HSP90AA1: variants seen among roughly 807,000 people sequenced by gnomAD.
HSP90AA1 encodes heat shock protein 90 alpha family class A member 1, also known as heat shock protein HSP 90-alpha.
In HSP90AA1, 18 loss-of-function variants were observed where a neutral mutation model predicts 73.3. The observed-to-expected ratio is 0.25, with a 90% CI of 0.17 to 0.36. The LOEUF (loss-of-function observed/expected upper bound fraction) is 0.36. Ranked by LOEUF, HSP90AA1 falls within the 10% of genes least tolerant of loss-of-function variation. HSP90AA1 has a pLI of 1.00. For missense variants in HSP90AA1, 704 were observed against 874.2 expected (o/e 0.81, Z 2.45); for synonymous variants, 477 against 296.9 (o/e 1.61, Z -6.24).
chr14:102,098,103 C>T (rs1006830196), intron 2 of HSP90AA1, among the ~76,000 whole-genome samples: 1 of 152,148 alleles, frequency 6.6e-6, no homozygotes, highest in Non-Finnish European at 1.5e-5. Context: ...CTTTATTCCT[C>T]CTTGACTGAC....
chr14:102,123,089 T>C (rs2049799564), intron 1 of HSP90AA1, among the ~76,000 whole-genome samples: 1 of 152,106 alleles, frequency 6.6e-6, no homozygotes, highest in Admixed American at 6.6e-5. Flanking sequence ...ACTTACACAC[T>C]GATCCAGACA....
At chr14:102,106,684 C>T (rs1252305764) in intron 1 of HSP90AA1, among the ~76,000 whole-genome samples, 1 of 151,720 alleles carries the variant, frequency 6.6e-6, no homozygotes, top group Non-Finnish European at 1.5e-5. Context: ...GCTGAGATTA[C>T]AGGCGCCTGC....
intron 1 of HSP90AA1, among the ~76,000 whole-genome samples, chr14:102,132,597 G>A (rs2049921581): frequency 6.6e-6 from 1 of 152,074 alleles, no homozygotes; most frequent in African/African-American, 2.4e-5. Flanking sequence ...ATTTTAACAA[G>A]GTTATTCCTA....
chr14:102,094,841 C>G (rs1454165302), intron 2 of HSP90AA1, among the ~76,000 whole-genome samples: 2 of 152,150 alleles, frequency 1.3e-5, no homozygotes, highest in Non-Finnish European at 2.9e-5. Context: ...CGCATCCACT[C>G]TGACCGTGGT....
chr14:102,139,436 GC>G (rs2050187036), exon 1 of HSP90AA1: 1 of 1,509,912 alleles, frequency 6.6e-7, no homozygotes, highest in Non-Finnish European at 8.9e-7. Flanking sequence ...CCGCGTGCTG[GC>G]TCCGAAGCGG....
At chr14:102,116,277 G>C (rs182075402) in intron 1 of HSP90AA1, among the ~76,000 whole-genome samples, 254 of 152,314 alleles carry the variant, frequency 1.7e-3, no homozygotes, top group African/African-American at 5.8e-3. Flanking sequence ...TTTAATGGTG[G>C]AGAGAGTTGT....
chr14:102,097,145 C>T (rs1185805207), intron 2 of HSP90AA1, among the ~76,000 whole-genome samples: 1 of 152,036 alleles, frequency 6.6e-6, no homozygotes, highest in African/African-American at 2.4e-5. Flanking sequence ...CACTACCACA[C>T]CTTGCTAATT....
intron 1 of HSP90AA1, among the ~76,000 whole-genome samples, chr14:102,135,064 C>T (rs1439455330): frequency 5.3e-5 from 8 of 150,554 alleles, no homozygotes; most frequent in Admixed American, 2.6e-4. Context: ...AGAGTGTCGA[C>T]TGGTGCATTC....
chr14:102,101,799 C>T, intron 2 of HSP90AA1: 3 of 1,230,548 alleles, frequency 2.4e-6, no homozygotes, highest in Non-Finnish European at 2.4e-6. Flanking sequence ...TGACTCCAAC[C>T]ACCGGTTGGT....
intron 1 of HSP90AA1, among the ~76,000 whole-genome samples, chr14:102,122,631 C>A (rs1374456543): frequency 6.6e-6 from 1 of 151,278 alleles, no homozygotes; most frequent in Non-Finnish European, 1.5e-5. Context: ...TCCCCCCACT[C>A]CACTCCTGCC....
At chr14:102,086,887 C>T (rs2049254349) in intron 1 of HSP90AA1, 99 bp downstream of exon 1, 3 of 703,908 alleles carry the variant, frequency 4.3e-6, no homozygotes, top group South Asian at 6.4e-5. Context: ...CTGGCTGCTT[C>T]AGGGATCTGG....
chr14:102,097,591 C>T (rs994182977), intron 2 of HSP90AA1, among the ~76,000 whole-genome samples: 1 of 152,206 alleles, frequency 6.6e-6, no homozygotes, highest in South Asian at 2.1e-4. Context: ...GAAGAACAGG[C>T]CTAGCTGGTC....
At chr14:102,086,932 C>CCCCCAGTCCCGGT in intron 1 of HSP90AA1, 54 bp downstream of exon 1, 1 of 938,362 alleles carries the variant, frequency 1.1e-6, no homozygotes, top group Non-Finnish European at 1.3e-6. Flanking sequence ...GCGCCAGCCG[C>CCCCCAGTCCCGGT]CCCCAGTCCC....
intron 6 of HSP90AA1, 147 bp from the exon 7 acceptor site, chr14:102,084,130 C>T (rs1052382860): frequency 1.2e-4 from 88 of 764,374 alleles, no homozygotes; most frequent in South Asian, 7.7e-4. Flanking sequence ...AGGGCAGTGG[C>T]GCAATCTCCA....
At chr14:102,123,536 G>GTT (rs1299252339) in intron 1 of HSP90AA1, among the ~76,000 whole-genome samples, 1 of 148,324 alleles carries the variant, frequency 6.7e-6, no homozygotes, top group East Asian at 2.0e-4. Flanking sequence ...AAACCTTGTG[G>GTT]TTTTTTTTTT....
chr14:102,091,375 C>T (rs919715741), upstream of HSP90AA1, among the ~76,000 whole-genome samples: 1 of 152,102 alleles, frequency 6.6e-6, no homozygotes, highest in African/African-American at 2.4e-5. Flanking sequence ...GTAATCCCAG[C>T]ACTTTGGGAG....
At chr14:102,126,702 G>A (rs1004764439) in intron 1 of HSP90AA1, among the ~76,000 whole-genome samples, 7 of 152,010 alleles carry the variant, frequency 4.6e-5, no homozygotes, top group Non-Finnish European at 8.8e-5. Context: ...CTTTGTTTTT[G>A]TACTTTTAGT....
chr14:102,109,225 T>C (rs2049608514), intron 1 of HSP90AA1, among the ~76,000 whole-genome samples: 1 of 152,228 alleles, frequency 6.6e-6, no homozygotes, highest in African/African-American at 2.4e-5. Flanking sequence ...CGTACTCTCA[T>C]GTCTGGCTAT....
chr14:102,104,518 G>A (rs369436389), intron 1 of HSP90AA1, among the ~76,000 whole-genome samples: 11 of 151,912 alleles, frequency 7.2e-5, no homozygotes, highest in Admixed American at 4.6e-4. Context: ...CGGCCTACAC[G>A]TGATATTTTG....
Sources: gnomAD v4.1 joint callset for allele counts (sites outside exome capture counted in the v4.1 genomes callset) on GRCh38, gnomAD v4.1.1 for gene constraint, MANE v1.5 for transcripts, NCBI Gene and HGNC (gene_info 2026-07-23, HGNC 2026-07-21) for gene names.